The following TSGA10 variants were observed in gnomAD, a reference collection of about 807,000 sequenced individuals.
TSGA10 encodes testis specific 10, also known as testis-specific gene 10 protein.
In TSGA10, 43 loss-of-function variants were observed where a neutral mutation model predicts 96.6. The ratio of observed to expected loss-of-function variants is 0.44; its 90% CI spans 0.35 to 0.57. TSGA10 has a LOEUF of 0.57. TSGA10 is among the 20% of genes least tolerant of loss of function. The pLI, the probability that TSGA10 is intolerant of heterozygous loss-of-function variation, is 0.01. For missense variants in TSGA10, 703 were observed against 834.4 expected, an observed-to-expected ratio of 0.84 and a Z score of 1.94; for synonymous variants, 229 against 269.9, an observed-to-expected ratio of 0.85 and a Z score of 1.48.
intron 20 of TSGA10, among the ~76,000 whole-genome samples, chr2:98,998,567 C>A (rs1053433558): frequency 1.3e-5 from 2 of 152,080 alleles, no homozygotes; most frequent in Non-Finnish European, 2.9e-5. Flanking sequence ...TCCCAGGAGA[C>A]AGGGAGATGA....
intron 20 of TSGA10, among the ~76,000 whole-genome samples, chr2:99,007,197 C>T (rs542704556): frequency 1.1e-4 from 17 of 152,016 alleles, no homozygotes; most frequent in South Asian, 6.2e-4. Flanking sequence ...ATGTAAATGA[C>T]GAGTTAATGG....
chr2:99,012,612 A>G (rs1326022413), intron 20 of TSGA10, among the ~76,000 whole-genome samples: 2 of 152,210 alleles, frequency 1.3e-5, no homozygotes, highest in East Asian at 3.8e-4. Context: ...TAAAAGGAAT[A>G]GTCCAAAAGG....
intron 17 of TSGA10, among the ~76,000 whole-genome samples, chr2:99,031,007 G>C (rs750349619): frequency 5.3e-5 from 8 of 150,038 alleles, no homozygotes; most frequent in Non-Finnish European, 7.4e-5. Flanking sequence ...AAATTTATGT[G>C]AAAAATCAAA....
At chr2:99,011,136 C>T (rs966316231) in intron 20 of TSGA10, among the ~76,000 whole-genome samples, 2 of 152,172 alleles carry the variant, frequency 1.3e-5, no homozygotes, top group Non-Finnish European at 2.9e-5. Context: ...ACTTTCCTGT[C>T]ACCTCTACTA....
chr2:98,998,446 C>T (rs1217657544), intron 20 of TSGA10, among the ~76,000 whole-genome samples: 3 of 152,098 alleles, frequency 2.0e-5, no homozygotes, highest in Middle Eastern at 3.2e-3. Context: ...ACTATTGATA[C>T]TTACAGCAGC....
At chr2:99,147,992 G>C (rs1474566198) in intron 1 of TSGA10, among the ~76,000 whole-genome samples, 1 of 152,098 alleles carries the variant, frequency 6.6e-6, no homozygotes, top group African/African-American at 2.4e-5. Context: ...AAATGTTTCA[G>C]TTATCTAAGT....
At chr2:99,074,724 G>A (rs551941298) in intron 12 of TSGA10, among the ~76,000 whole-genome samples, 71 of 152,152 alleles carry the variant, frequency 4.7e-4, no homozygotes, top group Non-Finnish European at 6.8e-4. Flanking sequence ...ACTTTGAGAG[G>A]GTGAGGCAGG....
intron 10 of TSGA10, chr2:99,102,599 T>C: frequency 1.2e-6 from 2 of 1,614,178 alleles, no homozygotes; most frequent in East Asian, 2.2e-5. Context: ...TTGCTGTACA[T>C]GCTCAGTTTA....
chr2:99,055,116 C>A (rs1453105959), intron 16 of TSGA10, among the ~76,000 whole-genome samples: 1 of 152,186 alleles, frequency 6.6e-6, no homozygotes, highest in Non-Finnish European at 1.5e-5. Context: ...AAGTGTCCAT[C>A]AGTGGCTGAA....
Position 99,018,260 on chromosome 2 carries a change from T to G in TSGA10, c.2012A>C (p.His671Pro), listed in dbSNP as rs547405821. ...SSTMKPNTKCHSPERAHHRSP... is the reference protein window; with the variant it reads ...SSTMKPNTKCPSPERAHHRSP... ...TCGATGGTGAGCACGTTCTGGTGAA[T>G]GACATTTTGTATTTGGCTTCATTGT... Residue 671 changes from histidine to proline, a missense_variant, in exon 20 of 21, where the codon CAT becomes CCT. His to Pro is a moderately conservative substitution (Grantham distance 77). Coordinates refer to ENST00000393483, the MANE Select transcript of TSGA10 (RefSeq NM_025244.4). 6.2e-7 allele frequency: 1 copy of G among 1,614,146 alleles called. No individual in the cohort carries two copies. Among genetic ancestry groups the G allele is most frequent in the Non-Finnish European group, 8.5e-7 (1 of 1,180,020 alleles).
At chr2:99,098,438 C>CAAAAAA (rs59144676) in intron 10 of TSGA10, among the ~76,000 whole-genome samples, 68 of 92,436 alleles carry the variant, frequency 7.4e-4, no homozygotes, top group African/African-American at 1.0e-3. Flanking sequence ...GACTCTGCCT[C>CAAAAAA]AAAAAAAAAA....
rs570545016 is a variant in TSGA10, at chr2:99,047,267, C to CA, written c.1405-11829dup. Among the ~76,000 whole-genome samples the CA allele has an allele frequency of 4.1e-3, 624 of 152,082 alleles. 5 individuals are homozygous for CA. The highest frequency in any genetic ancestry group is 0.014 in the African/African-American group (593 of 41,500). ...ATACCAAAGACTGGCAGAGATACAA[C>CA]AAAAAAAGGATAATTTTAGACCAAT... is the stretch of plus-strand genomic sequence containing the variant. On this transcript the variant is annotated intron_variant, in intron 16 of 20. Coordinates refer to ENST00000393483, the MANE Select transcript of TSGA10 (RefSeq NM_025244.4).
chr2:99,149,125 G>C (rs1262701187), intron 1 of TSGA10, among the ~76,000 whole-genome samples: 1 of 148,112 alleles, frequency 6.8e-6, no homozygotes, highest in East Asian at 2.0e-4. Context: ...AGCCGAGATC[G>C]CACCACTTCA....
intron 10 of TSGA10, among the ~76,000 whole-genome samples, chr2:99,091,164 CAG>C (rs554180760): frequency 1.8e-4 from 28 of 152,274 alleles, no homozygotes; most frequent in African/African-American, 5.3e-4. Flanking sequence ...ATTTTGTATC[CAG>C]TGAAACTAAG....
chr2:99,113,044 G>A (rs1457108963), intron 4 of TSGA10, among the ~76,000 whole-genome samples: 1 of 151,658 alleles, frequency 6.6e-6, no homozygotes, highest in Non-Finnish European at 1.5e-5. Context: ...AGAAATAATG[G>A]TAAAATTTTA....
chr2:99,081,020 T>A (rs2087403432), intron 11 of TSGA10, among the ~76,000 whole-genome samples: 2 of 152,158 alleles, frequency 1.3e-5, no homozygotes, highest in Admixed American at 1.3e-4. Context: ...ATTTAAGTTA[T>A]CATCGTAAGT....
At position 99,141,226 on chromosome 2, in the gene TSGA10, C is replaced by A. The variant is rs1030493517; in HGVS notation, c.-621+13467G>T. 13 of 1,060,098 alleles carry A rather than the reference C, an allele frequency of 1.2e-5. No individual in the cohort carries two copies. In the East Asian group the frequency reaches 1.2e-3, roughly 95 times the overall value. 65.7% of individuals were successfully genotyped at this position (1,060,098 alleles called of 1,614,324 possible). ...CCGCCCCTTTCTCCTCCCTTCCCAC[C>A]CCCAAATCGTCCTGGCCCCGCCCCG... On this transcript the variant is annotated intron_variant, in intron 1 of 20. Coordinates refer to ENST00000393483, the MANE Select transcript of TSGA10 (RefSeq NM_025244.4).
intron 2 of TSGA10, among the ~76,000 whole-genome samples, chr2:99,119,892 A>G (rs1024429398): frequency 4.6e-5 from 7 of 152,164 alleles, no homozygotes; most frequent in African/African-American, 1.7e-4. Flanking sequence ...GATAAACTTC[A>G]AGTTGTGTTT....
intron 1 of TSGA10, among the ~76,000 whole-genome samples, chr2:99,132,074 T>C: frequency 6.6e-6 from 1 of 152,202 alleles, no homozygotes; most frequent in East Asian, 1.9e-4. Flanking sequence ...AATATTGGCC[T>C]GAAATTTTTT....
Sources: allele counts gnomAD v4.1 joint callset (sites outside exome capture counted in the v4.1 genomes callset), GRCh38; gene constraint gnomAD v4.1.1; transcripts MANE v1.5; gene names NCBI Gene and HGNC (gene_info 2026-07-23, HGNC 2026-07-21).